SLC39A2: variants seen among roughly 807,000 people sequenced by gnomAD.
The protein encoded by SLC39A2 is solute carrier family 39 member 2.
SLC39A2 carries 14 observed loss-of-function variants against 18.0 expected under a neutral mutation model. The ratio of observed to expected loss-of-function variants is 0.78; its 90% CI spans 0.51 to 1.22. SLC39A2 has a LOEUF of 1.22. SLC39A2 is among the 50% of genes most tolerant of loss of function. SLC39A2 has a pLI of 0.00. For missense variants in SLC39A2, 375 were observed against 370.6 expected, an observed-to-expected ratio of 1.01 and a Z score of -0.10; for synonymous variants, 152 against 153.1, an observed-to-expected ratio of 0.99 and a Z score of 0.05.
rs1460731999 is a variant in SLC39A2 at position 21,001,372 on chromosome 14, AG to A, written c.726del (p.Leu243TrpfsTer3). The A allele has an allele frequency of 1.2e-6, 2 of 1,614,146 alleles. No individual in the cohort carries two copies. The highest frequency in any genetic ancestry group is 1.1e-5 in the South Asian group (1 of 91,086). On this transcript the variant is annotated frameshift_variant, in exon 4 of 4. Coordinates refer to ENST00000298681, the MANE Select transcript of SLC39A2 (RefSeq NM_014579.4). LOFTEE classifies it high-confidence loss of function. ...ALMSPLGLAV[G>X]LAVTGGDSEG... ...TCATGTCCCCCCTGGGCCTAGCCGT[AG>A]GGCTGGCTGTGACTGGAGGGGACTC...
chr14:20,999,565 T>C lies in SLC39A2; in HGVS notation c.115+4T>C, dbSNP rs1473645132. 26 of 1,611,324 alleles carry C rather than the reference T, an allele frequency of 1.6e-5. No homozygotes were observed. Among genetic ancestry groups the C allele is most frequent in the African/African-American group, 2.7e-5 (2 of 74,884 alleles). Reference sequence around the variant, plus strand: ...TTCCAGATTGATGCAGCCAGAGGTATAGCCCTACCCCATCTTTGTTCCATA... The same window carrying C: ...TTCCAGATTGATGCAGCCAGAGGTACAGCCCTACCCCATCTTTGTTCCATA... On this transcript the variant is annotated splice_donor_region_variant and intron_variant, in intron 1 of 3. Transcript: ENST00000298681.
rs550466879 is a variant in SLC39A2 at position 20,999,953 on chromosome 14, G to A, written c.246+81G>A. The A allele has an allele frequency of 1.2e-5, 19 of 1,571,664 alleles. No individual in the cohort carries two copies. The South Asian group carries it at 2.2e-4, about 18-fold the overall frequency. On this transcript the variant is annotated intron_variant, in intron 2 of 3. Coordinates refer to ENST00000298681, the MANE Select transcript of SLC39A2 (RefSeq NM_014579.4). ...AAAGGGAAGAGAGCGGGAAAGTGAT[G>A]GAGCCAAGGACATGGGTGGAACGAC...
rs144155355 is a variant in SLC39A2, at chr14:20,999,751, G to A, written c.125G>A (p.Arg42Gln). ...TTCTGCTTTTTATTAGGTCATCACCGGCTAGTCCTCAGACTCCTGGGCTGT... is the reference window on the plus strand; with the variant it reads ...TTCTGCTTTTTATTAGGTCATCACCAGCTAGTCCTCAGACTCCTGGGCTGT... Reference protein sequence around the residue: ...FQIDAARGHHRLVLRLLGCIS... With the variant: ...FQIDAARGHHQLVLRLLGCIS... The change falls in exon 2 of 4, where the codon CGG becomes CAG. Residue 42 changes from arginine to glutamine, a missense_variant. By Grantham distance (43) the Arg-to-Gln change is conservative. Coordinates refer to ENST00000298681, the MANE Select transcript of SLC39A2 (RefSeq NM_014579.4). 32 of 1,613,890 alleles carry A rather than the reference G, an allele frequency of 2.0e-5. No homozygotes were observed. Among genetic ancestry groups the A allele is most frequent in the African/African-American group, 6.7e-5 (5 of 74,872 alleles).
chr14:21,001,193 G>C lies in SLC39A2; in HGVS notation c.544G>C (p.Ala182Pro), dbSNP rs1179984105. The C allele has an allele frequency of 6.2e-6, 10 of 1,614,222 alleles. No individual in the cohort carries two copies. Among genetic ancestry groups the C allele is most frequent in the Non-Finnish European group, 8.5e-6 (10 of 1,180,034 alleles). ...LSFHSVFEGL[A>P]VGLQPTVAAT... Reference sequence around the variant, plus strand: ...CTTTCACTCAGTGTTTGAAGGGCTAGCTGTGGGGCTGCAGCCGACAGTAGC... The same window carrying C: ...CTTTCACTCAGTGTTTGAAGGGCTACCTGTGGGGCTGCAGCCGACAGTAGC... The change falls in exon 4 of 4, where the codon GCT becomes CCT. Residue 182 changes from alanine to proline, a missense_variant. Coordinates refer to ENST00000298681, the MANE Select transcript of SLC39A2 (RefSeq NM_014579.4).
chr14:21,000,952 G>A lies in SLC39A2; in HGVS notation c.303G>A (p.Glu101=), dbSNP rs772865547. 6.8e-7 allele frequency: 1 copy of A among 1,464,374 alleles called. No homozygotes were observed. Among genetic ancestry groups the A allele is most frequent in the Admixed American group, 2.4e-5 (1 of 42,022 alleles). 90.7% of individuals were successfully genotyped at this position (1,464,374 alleles called of 1,614,324 possible). ...SSGDADSAHM[E]YPYGELIISL... Reference sequence around the variant, plus strand: ...GCCCTTCTTTTTGTTTCTAGATGGAGTATCCCTATGGAGAGCTCATCATCT... The same window carrying A: ...GCCCTTCTTTTTGTTTCTAGATGGAATATCCCTATGGAGAGCTCATCATCT... Residue 101 remains glutamate (E), a synonymous_variant, in exon 4 of 4, where the codon GAG becomes GAA. Coordinates refer to ENST00000298681, the MANE Select transcript of SLC39A2 (RefSeq NM_014579.4).
chr14:21,000,262 C>G, intron 3 of SLC39A2, 96 bp downstream of exon 3: 1 of 858,028 alleles, frequency 1.2e-6, no homozygotes, highest in Non-Finnish European at 1.9e-6. Context: ...TGAGGAGTAC[C>G]AAGAATCCCT....
chr14:21,000,970 C>T lies in SLC39A2; in HGVS notation c.321C>T (p.Leu107=), dbSNP rs1199631443. 3.3e-6 allele frequency: 5 copies of T among 1,515,472 alleles called. No homozygotes were observed. Among genetic ancestry groups the T allele is most frequent in the Non-Finnish European group, 4.4e-6 (5 of 1,133,140 alleles). 93.9% of individuals were successfully genotyped at this position (1,515,472 alleles called of 1,614,324 possible). A position where few individuals can be genotyped will look rare whatever the true frequency, so the allele number is the denominator to read the frequency against. The change falls in exon 4 of 4, where the codon CTC becomes CTT. Residue 107 remains leucine (L), a synonymous_variant. Coordinates refer to ENST00000298681, the MANE Select transcript of SLC39A2 (RefSeq NM_014579.4). ...AGATGGAGTATCCCTATGGAGAGCT[C>T]ATCATCTCCCTGGGCTTCTTTTTTG... ...SAHMEYPYGE[L]IISLGFFFVF...
chr14:21,001,421 C>A lies in SLC39A2; in HGVS notation c.772C>A (p.Gln258Lys). 6.2e-7 allele frequency: 1 copy of A among 1,614,078 alleles called. No homozygotes were observed. The highest frequency in any genetic ancestry group is 8.5e-7 in the Non-Finnish European group (1 of 1,179,948). ...GDSEGGRGLA[Q>K]AVLEGVAAGT... The stretch of plus-strand genomic sequence containing the variant: ...CTCTGAAGGAGGGCGGGGCTTAGCC[C>A]AGGCTGTGTTAGAGGGTGTGGCAGC... Residue 258 changes from glutamine (Q) to lysine (K), a missense_variant, in exon 4 of 4, where the codon CAG (glutamine) becomes AAG (lysine). Coordinates refer to ENST00000298681, the MANE Select transcript of SLC39A2 (RefSeq NM_014579.4).
At position 21,001,697 on chromosome 14, in the gene SLC39A2, G is replaced by T; in HGVS notation, c.*118G>T. The stretch of plus-strand genomic sequence containing the variant: ...TACTCAGACTAAATAGCATTCAGTA[G>T]GACTGGACTGGACCCCAGGTTTCCT... On this transcript the variant is annotated 3_prime_UTR_variant, in exon 4 of 4. Coordinates refer to ENST00000298681, the MANE Select transcript of SLC39A2 (RefSeq NM_014579.4). 4.6e-6 allele frequency: 4 copies of T among 874,770 alleles called. No individual in the cohort carries two copies. The highest frequency in any genetic ancestry group is 6.7e-6 in the Non-Finnish European group (4 of 593,084). 54.2% of individuals were successfully genotyped at this position (874,770 alleles called of 1,614,324 possible). A position where few individuals can be genotyped will look rare whatever the true frequency, so the allele number is the denominator to read the frequency against.
intron 3 of SLC39A2, among the ~76,000 whole-genome samples, chr14:21,000,670 T>C (rs933481165): frequency 1.3e-5 from 2 of 151,924 alleles, no homozygotes; most frequent in African/African-American, 2.4e-5. Flanking sequence ...CGGGGTTTCA[T>C]CATGTTGGCC....
rs901878981 is a variant in SLC39A2 at position 20,999,869 on chromosome 14, G to A, written c.243G>A (p.Val81=). 2.3e-5 allele frequency: 37 copies of A among 1,613,744 alleles called. No homozygotes were observed. The highest frequency in any genetic ancestry group is 2.9e-5 in the Non-Finnish European group (34 of 1,180,028). Residue 81 remains valine (V), a synonymous_variant, in exon 2 of 4, where the codon GTG becomes GTA. Coordinates refer to ENST00000298681, the MANE Select transcript of SLC39A2 (RefSeq NM_014579.4). ...EIESQIQKFM[V]QNRSASERNS... is the part of the protein sequence containing the mutation. ...AATCACAGATTCAGAAGTTCATGGT[G>A]CAGGTGAGAGCAGAGATTTCAAGCC...
At chr14:21,000,683 G>A (rs1238816549) in intron 3 of SLC39A2, among the ~76,000 whole-genome samples, 3 of 152,058 alleles carry the variant, frequency 2.0e-5, no homozygotes, top group African/African-American at 7.2e-5. Flanking sequence ...TGTTGGCCAG[G>A]CTGGTCTCAA....
At position 21,001,487 on chromosome 14, in the gene SLC39A2, CG is replaced by C; in HGVS notation, c.841del (p.Glu281SerfsTer2). The C allele has an allele frequency of 6.2e-7, 1 of 1,613,502 alleles. No individual in the cohort carries two copies. Among genetic ancestry groups the C allele is most frequent in the East Asian group, 2.2e-5 (1 of 44,878 alleles). On this transcript the variant is annotated frameshift_variant, in exon 4 of 4. Transcript: ENST00000298681. LOFTEE classifies it high-confidence loss of function. ...LYVTFLEILPRELASPEAPLA... is the reference protein window; with the variant it reads ...LYVTFLEILPXELASPEAPLA... ...TGTCACCTTCCTAGAAATTCTTCCA[CG>C]GGAGCTAGCTAGTCCTGAGGCCCCT...
In SLC39A2 at chr14:21,000,442, C is replaced by T. The variant is rs575108855; in HGVS notation, c.297+276C>T. ...TTTTAACTCTATTGAGATTCTGTCC[C>T]TTAGCCCCTCTGGCAGTCTTTTGTT... On this transcript the variant is annotated intron_variant, in intron 3 of 3. Coordinates refer to ENST00000298681, the MANE Select transcript of SLC39A2 (RefSeq NM_014579.4). 9.5e-4 allele frequency among the ~76,000 whole-genome samples: 144 copies of T among 152,260 alleles called. 1 individual carries two copies. The highest frequency in any genetic ancestry group is 1.8e-3 in the Non-Finnish European group (120 of 68,012).
rs1318023908 is a variant in SLC39A2 at position 21,001,709 on chromosome 14, A to G, written c.*130A>G. The G allele has an allele frequency of 5.0e-6, 4 of 805,676 alleles. No individual in the cohort carries two copies. The African/African-American group carries it at 6.9e-5, about 14-fold the overall frequency. 49.9% of individuals were successfully genotyped at this position (805,676 alleles called of 1,614,324 possible). On this transcript the variant is annotated 3_prime_UTR_variant, in exon 4 of 4. Coordinates refer to ENST00000298681, the MANE Select transcript of SLC39A2 (RefSeq NM_014579.4). ...ATAGCATTCAGTAGGACTGGACTGGACCCCAGGTTTCCTTTACATGAGATC... is the reference window on the plus strand; with the variant it reads ...ATAGCATTCAGTAGGACTGGACTGGGCCCCAGGTTTCCTTTACATGAGATC...
chr14:21,001,654 G>A lies in SLC39A2; in HGVS notation c.*75G>A. The A allele has an allele frequency of 7.1e-7, 1 of 1,407,292 alleles. No individual in the cohort carries two copies. Among genetic ancestry groups the A allele is most frequent in the East Asian group, 2.3e-5 (1 of 43,326 alleles). 87.2% of individuals were successfully genotyped at this position (1,407,292 alleles called of 1,614,324 possible). ...CCAGGGAGACCTCCCAAATGGCTTT[G>A]ACCCTCAGACATTTCTTTACTCAGA... On this transcript the variant is annotated 3_prime_UTR_variant, in exon 4 of 4. Coordinates refer to ENST00000298681, the MANE Select transcript of SLC39A2 (RefSeq NM_014579.4).
Position 20,999,860 on chromosome 14 carries a change from G to C in SLC39A2, c.234G>C (p.Lys78Asn), listed in dbSNP as rs1439825370. The change falls in exon 2 of 4, where the codon AAG becomes AAC. Residue 78 changes from lysine (K) to asparagine (N), a missense_variant. Physicochemically the swap from Lys to Asn is moderately conservative, Grantham distance 94 (BLOSUM62 0). Transcript: ENST00000298681. ...AGGAAATTGAATCACAGATTCAGAA[G>C]TTCATGGTGCAGGTGAGAGCAGAGA... Reference protein sequence around the residue: ...ALEEIESQIQKFMVQNRSASE... With the variant: ...ALEEIESQIQNFMVQNRSASE... The C allele has an allele frequency of 4.3e-6, 7 of 1,614,076 alleles. 1 individual carries two copies. In the South Asian group the frequency reaches 6.6e-5, roughly 15 times the overall value.
At position 21,001,613 on chromosome 14, in the gene SLC39A2, GACA is replaced by G. The variant is rs1394549494; in HGVS notation, c.*37_*39del. 6.6e-7 allele frequency: 1 copy of G among 1,520,732 alleles called. No homozygotes were observed. Among genetic ancestry groups the G allele is most frequent in the South Asian group, 1.4e-5 (1 of 74,030 alleles). The allele number at this position is 1,520,732 out of a possible 1,614,324, so 94.2% of individuals were successfully genotyped here. On this transcript the variant is annotated 3_prime_UTR_variant, in exon 4 of 4. Transcript: ENST00000298681. Reference sequence around the variant, plus strand: ...TGGCTTTTCTGATGGACCTATTTAGGACAACCTCTCTATCCCCAGGGAGACCTC... The same window carrying G: ...TGGCTTTTCTGATGGACCTATTTAGGACCTCTCTATCCCCAGGGAGACCTC...
chr14:20,999,820 C>T lies in SLC39A2; in HGVS notation c.194C>T (p.Thr65Ile), dbSNP rs773523404. Residue 65 changes from threonine to isoleucine, a missense_variant, in exon 2 of 4, where the codon ACT becomes ATT. Transcript: ENST00000298681. The part of the protein sequence containing the change: ...VFLGAGFMHM[T>I]AEALEEIESQ... ...CTGGGAGCAGGGTTCATGCATATGA[C>T]TGCTGAAGCCCTGGAGGAAATTGAA... 2 of 1,614,044 alleles carry T rather than the reference C, an allele frequency of 1.2e-6. No homozygotes were observed. Among genetic ancestry groups the T allele is most frequent in the Non-Finnish European group, 8.5e-7 (1 of 1,180,016 alleles).
Sources: allele counts gnomAD v4.1 joint callset (sites outside exome capture counted in the v4.1 genomes callset), GRCh38; gene constraint gnomAD v4.1.1; transcripts MANE v1.5; gene names NCBI Gene and HGNC (gene_info 2026-07-23, HGNC 2026-07-21).